The following PKD2 variants were observed in gnomAD, a reference collection of about 807,000 sequenced individuals.
PKD2 encodes the protein polycystin-2.
PKD2 carries 48 observed loss-of-function variants against 105.9 expected under a neutral mutation model. The ratio of observed to expected loss-of-function variants is 0.45; its 90% CI spans 0.36 to 0.58. The LOEUF (loss-of-function observed/expected upper bound fraction) is 0.58. Among genes scored for constraint, PKD2 ranks in the 20% least tolerant of loss-of-function variants. The pLI, the probability that PKD2 is intolerant of heterozygous loss-of-function variation, is 0.00. For missense variants in PKD2, 1,078 were observed against 1,255.3 expected (o/e 0.86, Z 2.13); for synonymous variants, 464 against 481.1 (o/e 0.96, Z 0.46).
chr4:88,049,653 G>C (rs1437809202), intron 6 of PKD2, among the ~76,000 whole-genome samples: 1 of 152,000 alleles, frequency 6.6e-6, no homozygotes, highest in Non-Finnish European at 1.5e-5. Flanking sequence ...GTGCTCCACT[G>C]GACCTTCAAA....
intron 13 of PKD2, among the ~76,000 whole-genome samples, chr4:88,069,329 A>G (rs1720924317): frequency 6.6e-6 from 1 of 151,356 alleles, no homozygotes; most frequent in South Asian, 2.1e-4. Context: ...CTGCTATTTT[A>G]TTTTTTGTTT....
Position 88,067,971 on chromosome 4 carries a change from ACT to A in PKD2, c.2435_2436del (p.Ser812Ter), listed in dbSNP as rs1313255190. The A allele has an allele frequency of 6.2e-7, 1 of 1,613,734 alleles. No homozygotes were observed. Among genetic ancestry groups the A allele is most frequent in the Non-Finnish European group, 8.5e-7 (1 of 1,179,664 alleles). On this transcript the variant is annotated frameshift_variant, in exon 13 of 15. Coordinates refer to ENST00000237596, the MANE Select transcript of PKD2 (RefSeq NM_000297.4). LOFTEE classifies it high-confidence loss of function. ...CGAAGTTTCCCTCGAAGCCTGGATG[ACT>A]CTGAGGAGGATGACGATGAAGATAG...
rs1452727902 is a variant in PKD2, at chr4:88,046,811, A to G, written c.1489A>G (p.Ile497Val). The change falls in exon 6 of 15, where the codon ATT (isoleucine) becomes GTT (valine). Residue 497 changes from isoleucine to valine, a missense_variant. Ile to Val is a conservative substitution (Grantham distance 29). Around this residue, in one of 2 missense-constraint regions of PKD2, gnomAD observed 868 missense variants for 1,067.3 expected, o/e 0.81. Transcript: ENST00000237596. Reference sequence around the variant, plus strand: ...GGTGGAAGAGATATTGGAAATTCGCATTCACAAACTACACTATTTCAGGAG... The same window carrying G: ...GGTGGAAGAGATATTGGAAATTCGCGTTCACAAACTACACTATTTCAGGAG... Reference protein sequence around the residue: ...YVVEEILEIRIHKLHYFRSFW... With the variant: ...YVVEEILEIRVHKLHYFRSFW... The G allele has an allele frequency of 2.2e-5, 35 of 1,612,504 alleles. No homozygotes were observed. Among genetic ancestry groups the G allele is most frequent in the African/African-American group, 5.3e-5 (4 of 74,882 alleles).
intron 2 of PKD2, among the ~76,000 whole-genome samples, chr4:88,023,920 G>A (rs1169445699): frequency 6.6e-6 from 1 of 152,138 alleles, no homozygotes; most frequent in Non-Finnish European, 1.5e-5. Flanking sequence ...ATGAGGTTAT[G>A]TGCCCTGTGT....
chr4:88,019,602 A>G (rs765103326), intron 2 of PKD2, 31 bp downstream of exon 2: 60 of 1,151,250 alleles, frequency 5.2e-5, no homozygotes, highest in Non-Finnish European at 7.8e-5. Flanking sequence ...CACTAATGGG[A>G]AAGTTTTGAA....
intron 13 of PKD2, among the ~76,000 whole-genome samples, chr4:88,071,144 C>G (rs565825282): frequency 6.6e-6 from 1 of 152,064 alleles, no homozygotes; most frequent in South Asian, 2.1e-4. Flanking sequence ...CAGCCTCGAA[C>G]TCCTGAACTC....
intron 7 of PKD2, among the ~76,000 whole-genome samples, chr4:88,053,437 C>G (rs550341672): frequency 6.6e-6 from 1 of 152,082 alleles, no homozygotes; most frequent in African/African-American, 2.4e-5. Flanking sequence ...GAGATAGGTC[C>G]CCTGAGCCCA....
chr4:88,070,595 T>TAGAGAGAGAG (rs1230764764), intron 13 of PKD2, among the ~76,000 whole-genome samples: 29 of 98,408 alleles, frequency 2.9e-4, no homozygotes, highest in African/African-American at 4.9e-4. Context: ...TATATATATA[T>TAGAGAGAGAG]ATATATAGAG....
rs778729535 is a variant in PKD2 at position 88,017,990 on chromosome 4, G to T, written c.596-1468G>T. On this transcript the variant is annotated intron_variant, in intron 1 of 14. Coordinates refer to ENST00000237596, the MANE Select transcript of PKD2 (RefSeq NM_000297.4). ...CCAGGGCTACCGAGCCTAATCTTTGGCTGCCTCTGTGTTATTCTAAGTTGT... is the reference window on the plus strand; with the variant it reads ...CCAGGGCTACCGAGCCTAATCTTTGTCTGCCTCTGTGTTATTCTAAGTTGT... Among the ~76,000 whole-genome samples the T allele has an allele frequency of 2.2e-4, 33 of 152,152 alleles. 1 individual carries two copies. Among genetic ancestry groups the T allele is most frequent in the Admixed American group, 1.2e-3 (18 of 15,274 alleles).
chr4:88,073,188 TAAAAAAAAA>T (rs370425542), intron 13 of PKD2, among the ~76,000 whole-genome samples: 2 of 115,924 alleles, frequency 1.7e-5, no homozygotes, highest in South Asian at 5.4e-4. Context: ...TTGTCTCTAT[TAAAAAAAAA>T]AAAAAAAAAG....
intron 6 of PKD2, among the ~76,000 whole-genome samples, chr4:88,050,264 G>T (rs910806744): frequency 2.0e-5 from 3 of 152,054 alleles, no homozygotes; most frequent in Non-Finnish European, 4.4e-5. Flanking sequence ...GTGAACCACC[G>T]CGCCTGGCCC....
At chr4:88,047,286 G>A (rs141719993) in intron 6 of PKD2, among the ~76,000 whole-genome samples, 53 of 152,182 alleles carry the variant, frequency 3.5e-4, no homozygotes, top group African/African-American at 1.2e-3. Flanking sequence ...GCCAGGTGTG[G>A]TAGCTCATGC....
chr4:88,069,970 A>G (rs1053561301), intron 13 of PKD2, among the ~76,000 whole-genome samples: 1 of 152,226 alleles, frequency 6.6e-6, no homozygotes, highest in Non-Finnish European at 1.5e-5. Flanking sequence ...ATGTACATAT[A>G]TACTATATTT....
Position 88,049,270 on chromosome 4 carries a change from A to G in PKD2, c.1548+2400A>G, listed in dbSNP as rs185047790. On this transcript the variant is annotated intron_variant, in intron 6 of 14. Coordinates refer to ENST00000237596, the MANE Select transcript of PKD2 (RefSeq NM_000297.4). Reference sequence around the variant, plus strand: ...AATTTTAAAGATTGGAATAAAAGTTAATACAAATAGAATTCCAAAACTTTC... The same window carrying G: ...AATTTTAAAGATTGGAATAAAAGTTGATACAAATAGAATTCCAAAACTTTC... Among the ~76,000 whole-genome samples the G allele has an allele frequency of 2.0e-3, 299 of 152,350 alleles. 1 individual carries two copies. The highest frequency in any genetic ancestry group is 6.7e-3 in the African/African-American group (280 of 41,574).
At position 88,075,827 on chromosome 4, in the gene PKD2, C is replaced by A; in HGVS notation, c.*133C>A. Reference sequence around the variant, plus strand: ...TTTGTGACCGATTGCTAATCTTCTGCACTTTAATTTATTTTATATAAACTT... The same window carrying A: ...TTTGTGACCGATTGCTAATCTTCTGAACTTTAATTTATTTTATATAAACTT... On this transcript the variant is annotated 3_prime_UTR_variant, in exon 15 of 15. Transcript: ENST00000237596. 1.3e-6 allele frequency: 1 copy of A among 752,274 alleles called. No homozygotes were observed. The highest frequency in any genetic ancestry group is 2.4e-6 in the Non-Finnish European group (1 of 422,058). The allele number at this position is 752,274 out of a possible 1,614,324, so 46.6% of individuals were successfully genotyped here. A position where few individuals can be genotyped will look rare whatever the true frequency, so the allele number is the denominator to read the frequency against.
At chr4:88,045,728 G>A (rs901413433) in intron 5 of PKD2, among the ~76,000 whole-genome samples, 4 of 152,138 alleles carry the variant, frequency 2.6e-5, no homozygotes, top group Non-Finnish European at 4.4e-5. Flanking sequence ...CAGTATGGAT[G>A]TAAAATAGTG....
intron 2 of PKD2, among the ~76,000 whole-genome samples, chr4:88,030,790 C>T (rs1395417525): frequency 6.6e-6 from 1 of 152,242 alleles, no homozygotes; most frequent in Non-Finnish European, 1.5e-5. Flanking sequence ...AGCTGTGCAC[C>T]TCTCAGTGCC....
chr4:88,036,084 G>A, intron 2 of PKD2, 136 bp from the exon 3 acceptor site: 1 of 1,319,586 alleles, frequency 7.6e-7, no homozygotes, highest in Non-Finnish European at 1.1e-6. Context: ...GGAAAGGAAG[G>A]CAAGGGTGAG....
chr4:88,061,767 A>T (rs1232780904), intron 9 of PKD2, 139 bp from the exon 10 acceptor site: 2 of 345,234 alleles, frequency 5.8e-6, no homozygotes, highest in Admixed American at 4.7e-5. Context: ...TAAATAAATA[A>T]ATAATAAATT....
Sources: allele counts gnomAD v4.1 joint callset (sites outside exome capture counted in the v4.1 genomes callset), GRCh38; gene constraint gnomAD v4.1.1; regional missense constraint gnomAD v4.1.1; transcripts MANE v1.5; gene names NCBI Gene and HGNC (gene_info 2026-07-23, HGNC 2026-07-21).